Variants in UBR1 observed in about 807,000 individuals in gnomAD.
UBR1 encodes the protein E3 ubiquitin-protein ligase UBR1.
Under a neutral mutation model 242.1 loss-of-function variants are expected in UBR1, and 102 were observed. The observed-to-expected ratio is 0.42, with a 90% CI of 0.36 to 0.50. The LOEUF (loss-of-function observed/expected upper bound fraction) is 0.50, where lower values mean the gene tolerates loss of function less well. UBR1 is among the 20% of genes least tolerant of loss of function. The pLI, the probability that UBR1 is intolerant of heterozygous loss-of-function variation, is 0.01. For synonymous variants in UBR1, 675 were observed against 684.8 expected, an observed-to-expected ratio of 0.99 and a Z score of 0.22; for missense variants, 1,772 against 2,101.8, an observed-to-expected ratio of 0.84 and a Z score of 3.07.
Position 43,015,642 on chromosome 15 carries a change from A to G in UBR1, c.3209+46T>C, listed in dbSNP as rs574536311. The G allele has an allele frequency of 4.9e-6, 4 of 819,976 alleles. No individual in the cohort carries two copies. In the Admixed American group the frequency reaches 1.1e-4, roughly 22 times the overall value. 50.8% of individuals were successfully genotyped at this position (819,976 alleles called of 1,614,324 possible). On this transcript the variant is annotated intron_variant, in intron 29 of 46. Transcript: ENST00000290650. ...AGAAACACCCAAGAATGATCAATTTAAAAAAAAAAAATTGAGTTGGTAATT... is the reference window on the plus strand; with the variant it reads ...AGAAACACCCAAGAATGATCAATTTGAAAAAAAAAAATTGAGTTGGTAATT...
chr15:42,997,127 C>A (rs779989849), intron 33 of UBR1, among the ~76,000 whole-genome samples: 1 of 152,120 alleles, frequency 6.6e-6, no homozygotes, highest in Non-Finnish European at 1.5e-5. Context: ...GCGTGAGCTC[C>A]GCCTCCTGCC....
intron 37 of UBR1, among the ~76,000 whole-genome samples, chr15:42,980,898 G>A (rs891988897): frequency 1.1e-4 from 16 of 152,036 alleles, no homozygotes; most frequent in African/African-American, 1.4e-4. Context: ...CATTACACCC[G>A]GCCTGTCCTA....
Position 43,036,609 on chromosome 15 carries a change from T to A in UBR1, c.2023-16A>T. 5.4e-6 allele frequency: 8 copies of A among 1,474,016 alleles called. No individual in the cohort carries two copies. Among genetic ancestry groups the A allele is most frequent in the Non-Finnish European group, 7.6e-6 (8 of 1,056,902 alleles). The allele number at this position is 1,474,016 out of a possible 1,614,324, so 91.3% of individuals were successfully genotyped here. ...AATAAAACACCTATAAGGTAATAGGTAGAATAAATCCTAAAAGAATTATTT... is the reference window on the plus strand; with the variant it reads ...AATAAAACACCTATAAGGTAATAGGAAGAATAAATCCTAAAAGAATTATTT... On this transcript the variant is annotated splice_polypyrimidine_tract_variant and intron_variant, in intron 17 of 46. Transcript: ENST00000290650.
chr15:42,949,600 A>AC (rs35209561), intron 46 of UBR1, among the ~76,000 whole-genome samples: 83,412 of 150,944 alleles, frequency 0.55, 27,081 homozygotes, highest in Non-Finnish European at 0.71. Context: ...GGAATTCCAG[A>AC]CCAGCCTGGC....
intron 26 of UBR1, among the ~76,000 whole-genome samples, chr15:43,021,690 T>C (rs777256775): frequency 1.3e-5 from 2 of 152,202 alleles, no homozygotes; most frequent in Non-Finnish European, 2.9e-5. Flanking sequence ...TTTTTCCTTT[T>C]TCCCCCTGAA....
intron 3 of UBR1, among the ~76,000 whole-genome samples, chr15:43,077,671 AAAAAATAAAAAT>A (rs1238819615): frequency 6.6e-6 from 1 of 151,412 alleles, no homozygotes; most frequent in South Asian, 2.1e-4. Context: ...CTGAGAAAAA[AAAAAATAAAAAT>A]AAAAATAAAA....
chr15:43,070,650 T>C, intron 5 of UBR1, 145 bp downstream of exon 5: 3 of 1,286,542 alleles, frequency 2.3e-6, no homozygotes, highest in Non-Finnish European at 3.3e-6. Context: ...CAAACGGACA[T>C]TTTGAAATAT....
chr15:42,967,873 C>T (rs578193656), intron 40 of UBR1, among the ~76,000 whole-genome samples: 4 of 151,204 alleles, frequency 2.6e-5, no homozygotes, highest in South Asian at 2.1e-4. Flanking sequence ...GCATGCCTAT[C>T]GTACTCCTAC....
At chr15:43,064,719 G>C (rs1197103288) in intron 6 of UBR1, among the ~76,000 whole-genome samples, 2 of 151,980 alleles carry the variant, frequency 1.3e-5, no homozygotes, top group Non-Finnish European at 2.9e-5. Flanking sequence ...TGGGATTACA[G>C]GCATGTGCCA....
chr15:42,953,254 A>T (rs188333942), intron 44 of UBR1, among the ~76,000 whole-genome samples: 1 of 152,348 alleles, frequency 6.6e-6, no homozygotes, highest in Admixed American at 6.5e-5. Flanking sequence ...TCTTTTAAAA[A>T]GGAGTTTCCC....
intron 34 of UBR1, 119 bp downstream of exon 34, chr15:42,989,911 A>G: frequency 1.3e-6 from 1 of 778,320 alleles, no homozygotes; most frequent in Non-Finnish European, 2.1e-6. Flanking sequence ...GAAAGAAACA[A>G]GATAATGGGA....
chr15:43,024,928 G>A lies in UBR1; in HGVS notation c.2640C>T (p.Asn880=), dbSNP rs776280055. The A allele has an allele frequency of 6.2e-7, 1 of 1,614,192 alleles. No individual in the cohort carries two copies. Among genetic ancestry groups the A allele is most frequent in the Non-Finnish European group, 8.5e-7 (1 of 1,180,026 alleles). Residue 880 remains asparagine, a synonymous_variant, in exon 25 of 47, where the codon AAC becomes AAT. Transcript: ENST00000290650. ...EFCPAFSKVI[N]LLNCDIMMYI... ...ACATCATGATATCACAGTTGAGAAG[G>A]TTAATCACTTTGCTGAAAGCAGGGC... is the stretch of plus-strand genomic sequence containing the variant.
intron 12 of UBR1, among the ~76,000 whole-genome samples, chr15:43,051,725 A>C (rs1040570963): frequency 7.9e-5 from 12 of 152,302 alleles, no homozygotes; most frequent in Middle Eastern, 3.4e-3. Context: ...TGACTTACCA[A>C]GTAAAGAAGA....
intron 33 of UBR1, among the ~76,000 whole-genome samples, chr15:42,991,383 C>T (rs910986247): frequency 9.2e-5 from 14 of 152,196 alleles, no homozygotes; most frequent in South Asian, 4.1e-4. Context: ...ACTACAGACA[C>T]GCACCACTGT....
intron 29 of UBR1, among the ~76,000 whole-genome samples, chr15:43,014,164 G>A (rs2032971979): frequency 6.6e-6 from 1 of 152,264 alleles, no homozygotes; most frequent in African/African-American, 2.4e-5. Context: ...GATTGCAGAC[G>A]GAGTCTCGCT....
chr15:43,053,235 G>A (rs1451039266), intron 12 of UBR1, among the ~76,000 whole-genome samples: 1 of 152,164 alleles, frequency 6.6e-6, no homozygotes, highest in East Asian at 1.9e-4. Context: ...TACTATAAGG[G>A]TAGGTATTTA....
Position 43,047,283 on chromosome 15 carries a change from C to T in UBR1, c.1546G>A (p.Glu516Lys). 6.2e-7 allele frequency: 1 copy of T among 1,614,144 alleles called. No homozygotes were observed. The highest frequency in any genetic ancestry group is 8.5e-7 in the Non-Finnish European group (1 of 1,180,014). Residue 516 changes from glutamate (E) to lysine (K), a missense_variant, in exon 14 of 47, where the codon GAA becomes AAA. Around this residue, in one of 3 missense-constraint regions of UBR1, gnomAD observed 734 missense variants for 893.3 expected, o/e 0.82. Transcript: ENST00000290650. Reference sequence around the variant, plus strand: ...TGCCCAACCTGTCTTCGGATTTCTTCCATTCCCTGCAATTACAAGTTGGTC... The same window carrying T: ...TGCCCAACCTGTCTTCGGATTTCTTTCATTCCCTGCAATTACAAGTTGGTC... The part of the protein sequence containing the change: ...LKILTCMQGM[E>K]EIRRQVGQHI...
At chr15:42,965,381 T>G (rs888746296) in intron 41 of UBR1, among the ~76,000 whole-genome samples, 8 of 152,194 alleles carry the variant, frequency 5.3e-5, no homozygotes, top group Non-Finnish European at 8.8e-5. Context: ...AAGGTGATCC[T>G]ATTGCTTAAA....
Position 43,015,696 on chromosome 15 carries a change from C to A in UBR1, c.3201G>T (p.Glu1067Asp), listed in dbSNP as rs1278091838. The change falls in exon 29 of 47, where the codon GAG becomes GAT. Residue 1067 changes from glutamate to aspartate, a missense_variant. Coordinates refer to ENST00000290650, the MANE Select transcript of UBR1 (RefSeq NM_174916.3). Reference sequence around the variant, plus strand: ...GGTTTGCTTTATTTTACCTCTCTTCCTCCATAATGGAATCTTCTTTCCCAG... The same window carrying A: ...GGTTTGCTTTATTTTACCTCTCTTCATCCATAATGGAATCTTCTTTCCCAG... Reference protein sequence around the residue: ...EMPGKEDSIMEEESTPAVSDY... With the variant: ...EMPGKEDSIMDEESTPAVSDY... 6.2e-7 allele frequency: 1 copy of A among 1,613,606 alleles called. No individual in the cohort carries two copies. The highest frequency in any genetic ancestry group is 1.3e-5 in the African/African-American group (1 of 74,986).
Sources: allele counts gnomAD v4.1 joint callset (sites outside exome capture counted in the v4.1 genomes callset), GRCh38; gene constraint gnomAD v4.1.1; regional missense constraint gnomAD v4.1.1; transcripts MANE v1.5; gene names NCBI Gene and HGNC (gene_info 2026-07-23, HGNC 2026-07-21).